Variants in MED4 observed in about 807,000 individuals in gnomAD.
The protein encoded by MED4 is mediator complex subunit 4, also known as mediator of RNA polymerase II transcription subunit 4.
In MED4, 21 loss-of-function variants were observed where a neutral mutation model predicts 35.0. The ratio of observed to expected loss-of-function variants is 0.60; its 90% CI spans 0.43 to 0.86. The LOEUF is 0.86. Ranked by LOEUF, MED4 falls within the 40% of genes least tolerant of loss-of-function variation. The probability of loss-of-function intolerance (pLI) is 0.00; values close to 1 mark genes in which losing one functional copy is unlikely to be tolerated. For synonymous variants in MED4, 138 were observed against 114.0 expected (o/e 1.21, Z -1.34); for missense variants, 300 against 319.4 (o/e 0.94, Z 0.46).
At chr13:48,080,889 G>A (rs1950803611) in intron 5 of MED4, among the ~76,000 whole-genome samples, 1 of 152,128 alleles carries the variant, frequency 6.6e-6, no homozygotes, top group Non-Finnish European at 1.5e-5. Flanking sequence ...GCAGGAGCAG[G>A]TAATGTCCAT....
chr13:48,091,280 G>A lies in MED4; in HGVS notation c.126-862C>T, dbSNP rs184028426. On this transcript the variant is annotated intron_variant, in intron 1 of 6. Coordinates refer to ENST00000258648, the MANE Select transcript of MED4 (RefSeq NM_014166.4). ...TGACAATTTCCCTGTATGAAAATTA[G>A]TATCTGATGAGCAAAATAAGATTGG... is the stretch of plus-strand genomic sequence containing the variant. Among the ~76,000 whole-genome samples, 8 of 152,210 alleles carry A rather than the reference G, an allele frequency of 5.3e-5. No homozygotes were observed. The East Asian group carries it at 1.5e-3, about 29-fold the overall frequency.
intron 3 of MED4, among the ~76,000 whole-genome samples, chr13:48,084,265 CAAAAAAAAAAAA>C (rs71099664): frequency 2.3e-4 from 25 of 109,952 alleles, no homozygotes; most frequent in African/African-American, 8.6e-4. Flanking sequence ...GACTCTGTCT[CAAAAAAAAAAAA>C]AAAAAAAAAA....
chr13:48,085,900 T>TA (rs1950845034), intron 3 of MED4, among the ~76,000 whole-genome samples: 2 of 146,076 alleles, frequency 1.4e-5, no homozygotes, highest in Admixed American at 6.8e-5. Flanking sequence ...TCAAAATATA[T>TA]AAAAAATGAA....
chr13:48,078,176 CAAAT>C (rs1399608250), intron 6 of MED4, among the ~76,000 whole-genome samples: 2 of 152,086 alleles, frequency 1.3e-5, no homozygotes, highest in African/African-American at 4.8e-5. Context: ...GTTCAAGACT[CAAAT>C]AAAGAAGGCA....
Position 48,086,308 on chromosome 13 carries a change from G to C in MED4, c.337C>G (p.Gln113Glu). The stretch of plus-strand genomic sequence containing the variant: ...AGTATTTGTTCTGCTTCCTTTAGCT[G>C]TTTTTGTAGCTGCTGAATATCACTG... ...RDSDIQQLQK[Q>E]LKEAEQILAT... The change falls in exon 3 of 7, where the codon CAG becomes GAG. Residue 113 changes from glutamine to glutamate, a missense_variant. Physicochemically the swap from Gln to Glu is conservative, Grantham distance 29. Coordinates refer to ENST00000258648, the MANE Select transcript of MED4 (RefSeq NM_014166.4). 1 of 1,613,778 alleles carries C rather than the reference G, an allele frequency of 6.2e-7. No individual in the cohort carries two copies.
chr13:48,080,469 T>C (rs536273049), intron 5 of MED4, among the ~76,000 whole-genome samples: 236 of 151,818 alleles, frequency 1.6e-3, no homozygotes, highest in African/African-American at 5.4e-3. Context: ...AATAGCATAT[T>C]ACTTTTTAAA....
At chr13:48,081,836 A>G in intron 4 of MED4, 105 bp from the exon 5 acceptor site, 1 of 593,096 alleles carries the variant, frequency 1.7e-6, no homozygotes, top group Non-Finnish European at 2.7e-6. Context: ...AATTATCTGA[A>G]AATAAAATAA....
chr13:48,083,526 A>G, intron 3 of MED4, 98 bp from the exon 4 acceptor site: 1 of 865,074 alleles, frequency 1.2e-6, no homozygotes, highest in Admixed American at 2.8e-5. Context: ...TACAAGAACA[A>G]TCTTTGAAAC....
intron 1 of MED4, among the ~76,000 whole-genome samples, chr13:48,092,070 C>T (rs1266390641): frequency 5.9e-5 from 9 of 151,932 alleles, no homozygotes; most frequent in Non-Finnish European, 1.5e-5. Context: ...TTACGTAGGG[C>T]CTTATAGTTA....
At chr13:48,085,088 T>C (rs1950839569) in intron 3 of MED4, among the ~76,000 whole-genome samples, 1 of 151,918 alleles carries the variant, frequency 6.6e-6, no homozygotes, top group Admixed American at 6.6e-5. Flanking sequence ...AGGCTAGTCT[T>C]GTACTCCCGA....
In MED4 at chr13:48,094,591, C is replaced by T. The variant is rs189186689; in HGVS notation, c.125+363G>A. ...AGCGCAGCCCTCTAATAAAAACAGG[C>T]CCCAAGCCAGTTTACACATCTGTCT... On this transcript the variant is annotated intron_variant, in intron 1 of 6. Transcript: ENST00000258648. 3.5e-3 allele frequency among the ~76,000 whole-genome samples: 528 copies of T among 152,130 alleles called. 1 individual carries two copies. Among genetic ancestry groups the T allele is most frequent in the Non-Finnish European group, 5.2e-3 (351 of 67,988 alleles).
At chr13:48,087,392 G>T (rs1463322070) in intron 2 of MED4, among the ~76,000 whole-genome samples, 2 of 152,016 alleles carry the variant, frequency 1.3e-5, no homozygotes, top group Non-Finnish European at 2.9e-5. Flanking sequence ...TATAAATAAT[G>T]AAAGTTCTCC....
chr13:48,085,009 G>A (rs1950839010), intron 3 of MED4, among the ~76,000 whole-genome samples: 1 of 151,714 alleles, frequency 6.6e-6, no homozygotes, highest in Non-Finnish European at 1.5e-5. Context: ...TGAGATTACA[G>A]GCGTGAATCA....
chr13:48,079,246 T>C (rs1400039988), intron 6 of MED4, among the ~76,000 whole-genome samples: 1 of 152,198 alleles, frequency 6.6e-6, no homozygotes, highest in African/African-American at 2.4e-5. Flanking sequence ...GTAAACTATC[T>C]TACTCTATTT....
intron 2 of MED4, among the ~76,000 whole-genome samples, chr13:48,089,016 G>A (rs901765524): frequency 6.6e-6 from 1 of 152,164 alleles, no homozygotes; most frequent in African/African-American, 2.4e-5. Context: ...TAATCTGTGT[G>A]CCTGGCTCAT....
intron 3 of MED4, among the ~76,000 whole-genome samples, chr13:48,084,916 G>A (rs1295572324): frequency 6.6e-6 from 1 of 151,910 alleles, no homozygotes; most frequent in South Asian, 2.1e-4. Flanking sequence ...GCCCAGGCTG[G>A]AGTGCAGTGG....
In MED4 at chr13:48,076,173, A is replaced by G. The variant is rs1230356967; in HGVS notation, c.*966T>C. ...TGTATTCACTAAATGTTTCACATTA[A>G]ATGTTGTATTACCTTTGAAATCAGA... On this transcript the variant is annotated 3_prime_UTR_variant, in exon 7 of 7. Coordinates refer to ENST00000258648, the MANE Select transcript of MED4 (RefSeq NM_014166.4). The G allele has an allele frequency of 1.3e-5, 2 of 152,214 alleles. No individual in the cohort carries two copies. The highest frequency in any genetic ancestry group is 2.9e-5 in the Non-Finnish European group (2 of 68,002). 9.4% of individuals were successfully genotyped at this position (152,214 alleles called of 1,614,324 possible).
intron 3 of MED4, among the ~76,000 whole-genome samples, chr13:48,085,665 G>A (rs1190600211): frequency 1.3e-5 from 2 of 152,122 alleles, no homozygotes; most frequent in Admixed American, 6.5e-5. Context: ...TGAGAATCAA[G>A]CTCAGCTATT....
At chr13:48,090,478 C>A in intron 1 of MED4, 60 bp from the exon 2 acceptor site, 4 of 1,333,876 alleles carry the variant, frequency 3.0e-6, no homozygotes, top group South Asian at 2.6e-5. Flanking sequence ...ACACTCAGGG[C>A]TACTCCCTAC....
Sources: gnomAD v4.1 joint callset for allele counts (sites outside exome capture counted in the v4.1 genomes callset) on GRCh38, gnomAD v4.1.1 for gene constraint, MANE v1.5 for transcripts, NCBI Gene and HGNC (gene_info 2026-07-23, HGNC 2026-07-21) for gene names.